Variants in ZBTB20 observed in about 807,000 individuals in gnomAD.
The protein encoded by ZBTB20 is zinc finger and BTB domain-containing protein 20.
A neutral mutation model predicts 56.9 loss-of-function variants in ZBTB20; 9 were observed. That is an observed-to-expected ratio of 0.16 (90% CI 0.10 to 0.28). The LOEUF is 0.28. Among genes scored for constraint, ZBTB20 ranks in the 10% least tolerant of loss-of-function variants. The pLI, the probability that ZBTB20 is intolerant of heterozygous loss-of-function variation, is 1.00. For missense variants in ZBTB20, 655 were observed against 1,003.0 expected (o/e 0.65, Z 4.69); for synonymous variants, 417 against 420.7 (o/e 0.99, Z 0.11).
intron 1 of ZBTB20, among the ~76,000 whole-genome samples, chr3:115,130,041 T>C (rs1488044225): frequency 6.6e-6 from 1 of 152,222 alleles, no homozygotes; most frequent in East Asian, 1.9e-4. Flanking sequence ...TTATCATCAC[T>C]GTATCCACAT....
chr3:115,016,290 C>A (rs1456148498), intron 2 of ZBTB20, among the ~76,000 whole-genome samples: 2 of 151,944 alleles, frequency 1.3e-5, no homozygotes, highest in Admixed American at 6.6e-5. Context: ...ATGATAGTTT[C>A]TTTTGCTGAG....
chr3:114,974,285 G>A (rs1164598106), intron 3 of ZBTB20, 81 bp downstream of exon 3: 2 of 152,002 alleles, frequency 1.3e-5, no homozygotes, highest in Non-Finnish European at 2.9e-5. Flanking sequence ...GAAAAGTTGA[G>A]GTAGCAAATC....
chr3:114,494,891 C>T (rs2043114353), intron 7 of ZBTB20, among the ~76,000 whole-genome samples: 1 of 152,158 alleles, frequency 6.6e-6, no homozygotes, highest in Admixed American at 6.5e-5. Flanking sequence ...AAAAGTGATG[C>T]TATTTATGGG....
Position 114,742,788 on chromosome 3 carries a change from C to G in ZBTB20, c.-342-49213G>C, listed in dbSNP as rs190353122. 8.3e-4 allele frequency among the ~76,000 whole-genome samples: 127 copies of G among 152,236 alleles called. 1 individual carries two copies. The highest frequency in any genetic ancestry group is 2.8e-3 in the African/African-American group (118 of 41,540). ...AAAACCTACTGATACTCAGACCCTA[C>G]CCCAGAACAATTAAATCAGAATTTC... is the stretch of plus-strand genomic sequence containing the variant. On this transcript the variant is annotated intron_variant, in intron 5 of 11. Transcript: ENST00000675478.
At chr3:114,773,899 G>A (rs1051442113) in intron 5 of ZBTB20, among the ~76,000 whole-genome samples, 1 of 152,012 alleles carries the variant, frequency 6.6e-6, no homozygotes, top group African/African-American at 2.4e-5. Context: ...CATCACCAAA[G>A]CTAGTTTTTA....
intron 2 of ZBTB20, among the ~76,000 whole-genome samples, chr3:114,979,038 A>C (rs921532258): frequency 1.3e-5 from 2 of 151,960 alleles, no homozygotes; most frequent in African/African-American, 4.8e-5. Context: ...TATCGTGAGG[A>C]AGGGAAGAGA....
At chr3:114,494,550 A>G (rs973323416) in intron 7 of ZBTB20, among the ~76,000 whole-genome samples, 1 of 152,206 alleles carries the variant, frequency 6.6e-6, no homozygotes, top group African/African-American at 2.4e-5. Flanking sequence ...GAGGCAAAGT[A>G]TCCCATTGGT....
At chr3:114,964,351 G>A (rs939118076) in intron 3 of ZBTB20, among the ~76,000 whole-genome samples, 1 of 152,158 alleles carries the variant, frequency 6.6e-6, no homozygotes, top group Non-Finnish European at 1.5e-5. Context: ...GGAGGCAGAA[G>A]TTGCAATGAG....
chr3:115,042,039 G>T (rs948447405), intron 2 of ZBTB20, among the ~76,000 whole-genome samples: 1 of 151,948 alleles, frequency 6.6e-6, no homozygotes, highest in African/African-American at 2.4e-5. Flanking sequence ...AATCCCTCAA[G>T]AGCTGTCATC....
intron 6 of ZBTB20, among the ~76,000 whole-genome samples, chr3:114,648,595 C>A (rs959602322): frequency 7.2e-5 from 11 of 151,780 alleles, no homozygotes; most frequent in African/African-American, 2.7e-4. Context: ...AAGGCTACCC[C>A]CTAAAAGATA....
chr3:114,562,169 C>T (rs1240605785), intron 6 of ZBTB20, among the ~76,000 whole-genome samples: 2 of 151,246 alleles, frequency 1.3e-5, no homozygotes, highest in African/African-American at 2.4e-5. Flanking sequence ...AATGTTGTGG[C>T]TGGTTTGATT....
intron 1 of ZBTB20, among the ~76,000 whole-genome samples, chr3:115,087,013 G>C (rs2083010085): frequency 1.3e-5 from 2 of 151,780 alleles, no homozygotes; most frequent in Non-Finnish European, 2.9e-5. Context: ...ACAACTTAGG[G>C]TGATACTAGG....
chr3:114,791,208 A>C (rs530573449), intron 5 of ZBTB20, among the ~76,000 whole-genome samples: 12 of 152,282 alleles, frequency 7.9e-5, no homozygotes, highest in Admixed American at 3.9e-4. Flanking sequence ...AAGTCTCCAG[A>C]TAGCCCCATA....
intron 7 of ZBTB20, among the ~76,000 whole-genome samples, chr3:114,414,190 C>T (rs924601610): frequency 3.3e-5 from 5 of 152,146 alleles, no homozygotes; most frequent in Non-Finnish European, 7.4e-5. Flanking sequence ...AACAGAAACT[C>T]TTCTCTATCA....
At chr3:115,010,545 T>C (rs2108259260) in intron 2 of ZBTB20, among the ~76,000 whole-genome samples, 1 of 152,058 alleles carries the variant, frequency 6.6e-6, no homozygotes, top group East Asian at 2.0e-4. Flanking sequence ...GCCAAGACCA[T>C]AAAGCTTATA....
At chr3:114,619,804 A>T (rs914032547) in intron 6 of ZBTB20, among the ~76,000 whole-genome samples, 2 of 152,166 alleles carry the variant, frequency 1.3e-5, no homozygotes, top group African/African-American at 4.8e-5. Flanking sequence ...TTGTTAAGAC[A>T]GTGCAAATGA....
intron 6 of ZBTB20, among the ~76,000 whole-genome samples, chr3:114,577,823 C>G (rs973380590): frequency 5.3e-5 from 8 of 152,108 alleles, no homozygotes; most frequent in African/African-American, 1.9e-4. Context: ...TGAAAGCTAC[C>G]ATTGTAAGAT....
chr3:114,365,874 C>T (rs372035286), intron 10 of ZBTB20, among the ~76,000 whole-genome samples: 1 of 152,122 alleles, frequency 6.6e-6, no homozygotes, highest in East Asian at 1.9e-4. Context: ...GTTTCCCCAG[C>T]ATGAAAAGCA....
intron 3 of ZBTB20, among the ~76,000 whole-genome samples, chr3:114,912,622 T>A (rs1483315025): frequency 2.0e-5 from 3 of 151,976 alleles, no homozygotes; most frequent in African/African-American, 7.2e-5. Flanking sequence ...AACTACACTC[T>A]TTTAGTTATT....
Sources: allele counts gnomAD v4.1 joint callset (sites outside exome capture counted in the v4.1 genomes callset), GRCh38; gene constraint gnomAD v4.1.1; transcripts MANE v1.5; gene names NCBI Gene and HGNC (gene_info 2026-07-23, HGNC 2026-07-21).